Variants in TPST2 observed in about 807,000 individuals in gnomAD.
TPST2 encodes the protein tyrosylprotein sulfotransferase 2.
TPST2 carries 16 observed loss-of-function variants against 27.8 expected under a neutral mutation model. The ratio of observed to expected loss-of-function variants is 0.58; its 90% CI spans 0.39 to 0.88. The LOEUF is 0.88. Among genes scored for constraint, TPST2 ranks in the 40% least tolerant of loss-of-function variants. The pLI, the probability that TPST2 is intolerant of heterozygous loss-of-function variation, is 0.00. For missense variants in TPST2, 464 were observed against 543.1 expected (o/e 0.85, Z 1.45); for synonymous variants, 229 against 231.7 (o/e 0.99, Z 0.10).
intron 1 of TPST2, among the ~76,000 whole-genome samples, chr22:26,578,508 C>T (rs532729312): frequency 6.6e-6 from 1 of 152,142 alleles, no homozygotes; most frequent in Non-Finnish European, 1.5e-5. Context: ...CCACGCTCTG[C>T]GATCCTCAGG....
At chr22:26,528,390 T>C in intron 5 of TPST2, 128 bp from the exon 6 acceptor site, 1 of 1,169,966 alleles carries the variant, frequency 8.5e-7, no homozygotes, top group Non-Finnish European at 1.2e-6. Context: ...ACTGTACATC[T>C]ACTATGTGCC....
At chr22:26,568,259 A>G (rs563440999) in intron 1 of TPST2, among the ~76,000 whole-genome samples, 74 of 152,366 alleles carry the variant, frequency 4.9e-4, no homozygotes, top group Middle Eastern at 3.4e-3. Context: ...ACGCAATAAC[A>G]ACACCTGTGA....
In TPST2 at chr22:26,561,049, T is replaced by G. The variant is rs142656497; in HGVS notation, c.-160-16374A>C. On this transcript the variant is annotated intron_variant, in intron 1 of 6. Coordinates refer to ENST00000338754, the MANE Select transcript of TPST2 (RefSeq NM_003595.5). Reference sequence around the variant, plus strand: ...AAGCCTGATGCAGCAAAAAAGGGAGTTGTCAAGGCTGAAAAAAGCAAGAAA... The same window carrying G: ...AAGCCTGATGCAGCAAAAAAGGGAGGTGTCAAGGCTGAAAAAAGCAAGAAA... The G allele has an allele frequency of 1.1e-3, 1,758 of 1,589,678 alleles. 13 individuals are homozygous for G. The African/African-American group carries it at 0.018, about 16-fold the overall frequency.
intron 1 of TPST2, among the ~76,000 whole-genome samples, chr22:26,572,878 A>G (rs1035734571): frequency 6.6e-6 from 1 of 152,046 alleles, no homozygotes; most frequent in Non-Finnish European, 1.5e-5. Context: ...TTGCTCATCA[A>G]TAAGTTTCCT....
At chr22:26,587,895 C>T (rs532541576) in intron 1 of TPST2, among the ~76,000 whole-genome samples, 20 of 151,812 alleles carry the variant, frequency 1.3e-4, no homozygotes, top group African/African-American at 4.6e-4. Flanking sequence ...GAGTTCAAGA[C>T]CAGCCTGGGC....
chr22:26,565,804 T>C (rs1227759758), intron 1 of TPST2: 2 of 152,162 alleles, frequency 1.3e-5, no homozygotes, highest in African/African-American at 4.8e-5. Flanking sequence ...AGATAGTTTA[T>C]AGTCTTTTTT....
intron 5 of TPST2, among the ~76,000 whole-genome samples, chr22:26,531,841 C>T (rs1175207562): frequency 6.6e-6 from 1 of 152,164 alleles, no homozygotes; most frequent in African/African-American, 2.4e-5. Context: ...TTCCCACAAC[C>T]CCCACTCTGG....
intron 1 of TPST2, among the ~76,000 whole-genome samples, chr22:26,583,503 A>G (rs897273186): frequency 3.3e-5 from 5 of 150,340 alleles, no homozygotes; most frequent in African/African-American, 9.8e-5. Context: ...GAGGCCTCAG[A>G]CAACCTCCAA....
intron 1 of TPST2, among the ~76,000 whole-genome samples, chr22:26,551,688 T>A (rs534151822): frequency 6.6e-6 from 1 of 152,008 alleles, no homozygotes; most frequent in Non-Finnish European, 1.5e-5. Context: ...GGGGGTCACA[T>A]CCTGGCTCCC....
chr22:26,569,007 G>A (rs902792520), intron 1 of TPST2, among the ~76,000 whole-genome samples: 2 of 151,856 alleles, frequency 1.3e-5, no homozygotes, highest in African/African-American at 4.8e-5. Flanking sequence ...GGGACTACAG[G>A]CGCCCACCAC....
Position 26,528,098 on chromosome 22 carries a change from A to C in TPST2, c.*7+116T>G, listed in dbSNP as rs548415422. 234 of 1,206,346 alleles carry C rather than the reference A, an allele frequency of 1.9e-4. 3 individuals carry two copies. In the South Asian group the frequency reaches 3.1e-3, roughly 16 times the overall value. The allele number at this position is 1,206,346 out of a possible 1,614,324, so 74.7% of individuals were successfully genotyped here. A position where few individuals can be genotyped will look rare whatever the true frequency, so the allele number is the denominator to read the frequency against. On this transcript the variant is annotated intron_variant, in intron 6 of 6. Coordinates refer to ENST00000338754, the MANE Select transcript of TPST2 (RefSeq NM_003595.5). ...TGATGGGGCTGGGTCAGCCCACCCT[A>C]GTGGACATGTCTACCCCAGGGAGGC... is the stretch of plus-strand genomic sequence containing the variant.
intron 1 of TPST2, among the ~76,000 whole-genome samples, chr22:26,559,737 A>G (rs1926985461): frequency 6.6e-6 from 1 of 152,174 alleles, no homozygotes; most frequent in African/African-American, 2.4e-5. Context: ...TTTTGCATTA[A>G]AATATTATCT....
intron 1 of TPST2, among the ~76,000 whole-genome samples, chr22:26,584,257 C>T (rs575374349): frequency 9.2e-5 from 14 of 152,248 alleles, no homozygotes; most frequent in Admixed American, 4.6e-4. Flanking sequence ...TGCTTCCAAG[C>T]TCTGCTGTGC....
At chr22:26,550,029 G>T (rs1340902493) in intron 1 of TPST2, among the ~76,000 whole-genome samples, 1 of 136,110 alleles carries the variant, frequency 7.3e-6, no homozygotes, top group Non-Finnish European at 1.6e-5. Context: ...GATGGAGCAA[G>T]ACTCCATCTC....
chr22:26,583,465 G>A (rs1187015013), intron 1 of TPST2, among the ~76,000 whole-genome samples: 1 of 142,282 alleles, frequency 7.0e-6, no homozygotes, highest in African/African-American at 2.5e-5. Flanking sequence ...AATGCCTTGA[G>A]GGCTTAAAAT....
intron 1 of TPST2, among the ~76,000 whole-genome samples, chr22:26,550,334 A>T (rs1765233717): frequency 6.6e-6 from 1 of 152,226 alleles, no homozygotes; most frequent in Non-Finnish European, 1.5e-5. Context: ...GACACCAGTG[A>T]TAAAGGCTCA....
chr22:26,551,946 C>T (rs1396267027), intron 1 of TPST2, among the ~76,000 whole-genome samples: 4 of 134,448 alleles, frequency 3.0e-5, no homozygotes, highest in African/African-American at 5.6e-5. Context: ...TAGAATACAG[C>T]GGTGCAATCA....
At chr22:26,540,695 C>A in intron 3 of TPST2, 94 bp downstream of exon 3, 1 of 1,252,202 alleles carries the variant, frequency 8.0e-7, no homozygotes, top group South Asian at 1.5e-5. Context: ...TGCCCAAGGC[C>A]ACACAGCTCA....
At chr22:26,549,656 C>CAAAAAAA (rs71192939) in intron 1 of TPST2, among the ~76,000 whole-genome samples, 26 of 58,644 alleles carry the variant, frequency 4.4e-4, no homozygotes, top group Non-Finnish European at 5.7e-4. Flanking sequence ...GACTCCGTCT[C>CAAAAAAA]AAAAAAAAAA....
Sources: gnomAD v4.1 joint callset for allele counts (sites outside exome capture counted in the v4.1 genomes callset) on GRCh38, gnomAD v4.1.1 for gene constraint, MANE v1.5 for transcripts, NCBI Gene and HGNC (gene_info 2026-07-23, HGNC 2026-07-21) for gene names.